The following NFIL3 variants were observed in gnomAD, a reference collection of about 807,000 sequenced individuals.
The protein encoded by NFIL3 is nuclear factor, interleukin 3 regulated, also known as nuclear factor interleukin-3-regulated protein.
Under a neutral mutation model 10.0 loss-of-function variants are expected in NFIL3, and 5 were observed. The ratio of observed to expected loss-of-function variants is 0.50; its 90% CI spans 0.26 to 1.06. The LOEUF (loss-of-function observed/expected upper bound fraction) is 1.06, where lower values mean the gene tolerates loss of function less well. NFIL3 is among the 50% of genes least tolerant of loss of function. NFIL3 has a pLI of 0.13. For missense variants in NFIL3, 436 were observed against 547.6 expected (o/e 0.80, Z 2.03); for synonymous variants, 202 against 206.5 (o/e 0.98, Z 0.19).
chr9:91,457,249 C>CAA, the NFIL3 span, among the ~76,000 whole-genome samples: 2 of 150,526 alleles, frequency 1.3e-5, no homozygotes, highest in African/African-American at 2.4e-5. Flanking sequence ...CAGTTTTTGT[C>CAA]AAAAAAAAAC....
At chr9:91,476,757 A>G in the NFIL3 span, among the ~76,000 whole-genome samples, 3 of 152,218 alleles carry the variant, frequency 2.0e-5, no homozygotes, top group African/African-American at 7.2e-5. Flanking sequence ...CACATTTTGT[A>G]AATTAGGATA....
chr9:91,469,030 C>A, the NFIL3 span, among the ~76,000 whole-genome samples: 1 of 151,986 alleles, frequency 6.6e-6, no homozygotes, highest in African/African-American at 2.4e-5. Flanking sequence ...TTTTTTGGTT[C>A]CATATGAACT....
the NFIL3 span, among the ~76,000 whole-genome samples, chr9:91,464,516 A>G: frequency 6.6e-6 from 1 of 152,084 alleles, no homozygotes; most frequent in Non-Finnish European, 1.5e-5. Flanking sequence ...ATACAATGTT[A>G]TTATTGTTAC....
chr9:91,457,735 A>G, the NFIL3 span, among the ~76,000 whole-genome samples: 1 of 152,040 alleles, frequency 6.6e-6, no homozygotes, highest in Non-Finnish European at 1.5e-5. Context: ...AAACAGGTGG[A>G]GTGAAATCTT....
chr9:91,436,896 G>A, the NFIL3 span, among the ~76,000 whole-genome samples: 1 of 152,128 alleles, frequency 6.6e-6, no homozygotes, highest in Non-Finnish European at 1.5e-5. Context: ...ACCTTTTTTG[G>A]CAGCAGGGAC....
chr9:91,461,242 A>G, the NFIL3 span, among the ~76,000 whole-genome samples: 4 of 152,234 alleles, frequency 2.6e-5, no homozygotes, highest in African/African-American at 9.6e-5. Flanking sequence ...ACACAGAAGA[A>G]AATACATCCC....
chr9:91,456,042 C>T, the NFIL3 span, among the ~76,000 whole-genome samples: 2 of 152,192 alleles, frequency 1.3e-5, no homozygotes, highest in Non-Finnish European at 2.9e-5. Context: ...ACACAACTTT[C>T]CTACTTGTTT....
chr9:91,470,964 T>A, the NFIL3 span, among the ~76,000 whole-genome samples: 1 of 152,152 alleles, frequency 6.6e-6, no homozygotes, highest in Non-Finnish European at 1.5e-5. Context: ...TTGGAGTAAG[T>A]GTGATGTGGT....
chr9:91,481,531 C>T, the NFIL3 span, among the ~76,000 whole-genome samples: 13 of 152,182 alleles, frequency 8.5e-5, no homozygotes, highest in Middle Eastern at 3.6e-3. Context: ...AAATTACACC[C>T]TTAATATTTC....
intron 1 of NFIL3, among the ~76,000 whole-genome samples, chr9:91,422,935 C>T (rs771170215): frequency 3.3e-5 from 5 of 152,200 alleles, no homozygotes; most frequent in African/African-American, 1.2e-4. Flanking sequence ...AATCATTGCA[C>T]ACATACGCGC....
chr9:91,451,639 T>TA, the NFIL3 span, among the ~76,000 whole-genome samples: 160 of 152,312 alleles, frequency 1.1e-3, no homozygotes, highest in Non-Finnish European at 1.8e-3. Flanking sequence ...GATAATGAAG[T>TA]AATGTCTCTC....
intron 1 of NFIL3, among the ~76,000 whole-genome samples, chr9:91,415,526 G>A (rs902898928): frequency 6.6e-6 from 1 of 151,928 alleles, no homozygotes; most frequent in African/African-American, 2.4e-5. Context: ...TTTACACACA[G>A]TTCTCTTTTG....
chr9:91,464,101 TTC>T, the NFIL3 span, among the ~76,000 whole-genome samples: 3 of 152,066 alleles, frequency 2.0e-5, no homozygotes, highest in Admixed American at 2.0e-4. Flanking sequence ...CACCAAAAAT[TTC>T]TGTCTTTTTA....
At chr9:91,418,273 TGTG>T (rs1833696523) in intron 1 of NFIL3, among the ~76,000 whole-genome samples, 1 of 152,220 alleles carries the variant, frequency 6.6e-6, no homozygotes, top group African/African-American at 2.4e-5. Context: ...GAAACTTAAA[TGTG>T]GGGACTATTA....
chr9:91,417,824 T>A (rs1833686476), intron 1 of NFIL3, among the ~76,000 whole-genome samples: 1 of 151,988 alleles, frequency 6.6e-6, no homozygotes, highest in East Asian at 1.9e-4. Context: ...ACACACACAC[T>A]CTCGCACACT....
chr9:91,457,798 G>T, the NFIL3 span, among the ~76,000 whole-genome samples: 1 of 152,012 alleles, frequency 6.6e-6, no homozygotes, highest in Non-Finnish European at 1.5e-5. Context: ...AAGTATGTTA[G>T]CTATAGGTTT....
the NFIL3 span, among the ~76,000 whole-genome samples, chr9:91,439,836 A>G: frequency 1.8e-4 from 27 of 152,146 alleles, no homozygotes; most frequent in Non-Finnish European, 2.6e-4. Flanking sequence ...CATATGTTAA[A>G]TCAGTGTTAT....
At chr9:91,460,670 T>G in the NFIL3 span, among the ~76,000 whole-genome samples, 1 of 152,160 alleles carries the variant, frequency 6.6e-6, no homozygotes, top group South Asian at 2.1e-4. Flanking sequence ...ACATTCTTTA[T>G]TTTTCAAGGG....
At chr9:91,470,416 C>CTCTCTTTTCT in the NFIL3 span, among the ~76,000 whole-genome samples, 1 of 86,886 alleles carries the variant, frequency 1.2e-5, no homozygotes, top group Non-Finnish European at 2.0e-5. Flanking sequence ...TTTGATTCTT[C>CTCTCTTTTCT]TCTATTAGTC....
Sources: allele counts gnomAD v4.1 joint callset (sites outside exome capture counted in the v4.1 genomes callset), GRCh38; gene constraint gnomAD v4.1.1; transcripts MANE v1.5; gene names NCBI Gene and HGNC (gene_info 2026-07-23, HGNC 2026-07-21).